CYP7B1: variants seen among roughly 807,000 people sequenced by gnomAD.
The protein encoded by CYP7B1 is cytochrome P450 7B1.
Under a neutral mutation model 42.7 loss-of-function variants are expected in CYP7B1, and 29 were observed. The observed-to-expected ratio is 0.68, with a 90% CI of 0.51 to 0.93. The LOEUF (loss-of-function observed/expected upper bound fraction) is 0.93. CYP7B1 is among the 40% of genes least tolerant of loss of function. The pLI, the probability that CYP7B1 is intolerant of heterozygous loss-of-function variation, is 0.00. For missense variants in CYP7B1, 655 were observed against 600.5 expected (o/e 1.09, Z -0.95); for synonymous variants, 235 against 218.2 (o/e 1.08, Z -0.68).
intron 1 of CYP7B1, among the ~76,000 whole-genome samples, chr8:64,664,485 G>GAGAGAA (rs1363561394): frequency 6.6e-6 from 1 of 152,150 alleles, no homozygotes; most frequent in Non-Finnish European, 1.5e-5. Flanking sequence ...CAGAGAGAGA[G>GAGAGAA]AGAGAAACCA....
At chr8:64,719,039 G>T (rs1454408559) in intron 1 of CYP7B1, among the ~76,000 whole-genome samples, 2 of 151,964 alleles carry the variant, frequency 1.3e-5, no homozygotes, top group African/African-American at 2.4e-5. Context: ...ACACAGTTTT[G>T]GTAAATTTTA....
chr8:64,797,203 C>T (rs1804718138), intron 1 of CYP7B1, among the ~76,000 whole-genome samples: 1 of 152,180 alleles, frequency 6.6e-6, no homozygotes, highest in Non-Finnish European at 1.5e-5. Flanking sequence ...CACATTCTCA[C>T]ACCAATCACC....
intron 1 of CYP7B1, among the ~76,000 whole-genome samples, chr8:64,736,944 C>A (rs920520382): frequency 6.6e-6 from 1 of 152,142 alleles, no homozygotes; most frequent in Non-Finnish European, 1.5e-5. Flanking sequence ...AGAGGCATGT[C>A]TATCTTTTCT....
Position 64,615,916 on chromosome 8 carries a change from T to C in CYP7B1, c.625A>G (p.Ile209Val). The C allele has an allele frequency of 6.2e-7, 1 of 1,613,646 alleles. No individual in the cohort carries two copies. The highest frequency in any genetic ancestry group is 8.5e-7 in the Non-Finnish European group (1 of 1,179,764). Residue 209 changes from isoleucine (I) to valine (V), a missense_variant, in exon 3 of 6, where the codon ATT (isoleucine) becomes GTT (valine). By Grantham distance (29) the Ile-to-Val change is conservative. Transcript: ENST00000310193. ...KVIVCDNNKF[I>V]SELRDDFLKF... Reference sequence around the variant, plus strand: ...AAAAAATCATCTCTTAGCTCACTAATAAATTTGTTGTTGTCACAAACAATA... The same window carrying C: ...AAAAAATCATCTCTTAGCTCACTAACAAATTTGTTGTTGTCACAAACAATA...
At chr8:64,744,507 T>A (rs991326266) in intron 1 of CYP7B1, among the ~76,000 whole-genome samples, 1 of 152,186 alleles carries the variant, frequency 6.6e-6, no homozygotes, top group African/African-American at 2.4e-5. Context: ...GGCTACTAAT[T>A]AAAGTGCAGC....
intron 1 of CYP7B1, among the ~76,000 whole-genome samples, chr8:64,680,155 A>AT (rs999496976): frequency 5.3e-5 from 8 of 151,300 alleles, no homozygotes; most frequent in Non-Finnish European, 1.2e-4. Flanking sequence ...ATCATGTGAT[A>AT]TTTTTTCTTT....
intron 1 of CYP7B1, among the ~76,000 whole-genome samples, chr8:64,715,507 T>C (rs1233057900): frequency 6.6e-6 from 1 of 152,234 alleles, no homozygotes; most frequent in African/African-American, 2.4e-5. Flanking sequence ...TATTCCTCCT[T>C]ATAGATTTTA....
chr8:64,666,777 T>C (rs1806286309), intron 1 of CYP7B1, among the ~76,000 whole-genome samples: 1 of 152,230 alleles, frequency 6.6e-6, no homozygotes, highest in East Asian at 1.9e-4. Flanking sequence ...TGGTTTGCTA[T>C]AGTCGTTACC....
intron 1 of CYP7B1, among the ~76,000 whole-genome samples, chr8:64,714,103 A>G (rs999412898): frequency 6.6e-6 from 1 of 152,110 alleles, no homozygotes; most frequent in African/African-American, 2.4e-5. Flanking sequence ...TGGAGCAAAG[A>G]CTCAAACCTG....
intron 1 of CYP7B1, among the ~76,000 whole-genome samples, chr8:64,739,187 T>G (rs1279267295): frequency 6.6e-6 from 1 of 152,122 alleles, no homozygotes; most frequent in African/African-American, 2.4e-5. Context: ...CTAAGGGAAT[T>G]GAGGGAAGCT....
rs1392813660 is a variant in CYP7B1 at position 64,798,446 on chromosome 8, C to T, written c.122+20G>A. 2.0e-6 allele frequency: 3 copies of T among 1,507,376 alleles called. No individual in the cohort carries two copies. The highest frequency in any genetic ancestry group is 2.9e-5 in the African/African-American group (2 of 69,560). 93.4% of individuals were successfully genotyped at this position (1,507,376 alleles called of 1,614,324 possible). On this transcript the variant is annotated intron_variant, in intron 1 of 5. Coordinates refer to ENST00000310193, the MANE Select transcript of CYP7B1 (RefSeq NM_004820.5). ...GCGGGGCCCAGGGCGCATGCGTGGC[C>T]TGGCGGCCGAGGCGCTTACCTGGTG...
intron 1 of CYP7B1, among the ~76,000 whole-genome samples, chr8:64,668,008 T>C (rs1007803425): frequency 6.6e-6 from 1 of 152,220 alleles, no homozygotes. Flanking sequence ...AACTGCTTAA[T>C]CTTCCAAAGA....
At chr8:64,632,453 A>G (rs1418947798) in intron 1 of CYP7B1, among the ~76,000 whole-genome samples, 1 of 152,094 alleles carries the variant, frequency 6.6e-6, no homozygotes, top group Non-Finnish European at 1.5e-5. Flanking sequence ...CAGCAGGTAT[A>G]AAGTTTCAGT....
Position 64,615,533 on chromosome 8 carries a change from AT to A in CYP7B1, c.850+157del, listed in dbSNP as rs796118469. Among the ~76,000 whole-genome samples, 519 of 148,818 alleles carry A rather than the reference AT, an allele frequency of 3.5e-3. 5 individuals carry two copies. Among genetic ancestry groups the A allele is most frequent in the African/African-American group, 0.012 (464 of 38,580 alleles). On this transcript the variant is annotated intron_variant, in intron 3 of 5. Transcript: ENST00000310193. The stretch of plus-strand genomic sequence containing the variant: ...TACCACCTCAGCAAAAAAAAAAAAA[AT>A]ATCAATTATAGAGGGTTATATCAGA...
chr8:64,606,026 C>T (rs1805274032), intron 4 of CYP7B1, among the ~76,000 whole-genome samples: 1 of 152,198 alleles, frequency 6.6e-6, no homozygotes, highest in Non-Finnish European at 1.5e-5. Context: ...CTGCATAAGG[C>T]TATCAAGTAG....
At chr8:64,748,811 A>G (rs1405267934) in intron 1 of CYP7B1, among the ~76,000 whole-genome samples, 1 of 152,108 alleles carries the variant, frequency 6.6e-6, no homozygotes, top group Non-Finnish European at 1.5e-5. Flanking sequence ...TCCTTCATTC[A>G]CTCAACAAAT....
intron 1 of CYP7B1, among the ~76,000 whole-genome samples, chr8:64,645,240 T>C (rs1457154027): frequency 6.6e-6 from 1 of 151,640 alleles, no homozygotes; most frequent in Admixed American, 6.6e-5. Flanking sequence ...TGTGTCTTTA[T>C]AGCAGCATGA....
At chr8:64,740,853 C>T (rs1280035260) in intron 1 of CYP7B1, among the ~76,000 whole-genome samples, 1 of 152,056 alleles carries the variant, frequency 6.6e-6, no homozygotes, top group Non-Finnish European at 1.5e-5. Flanking sequence ...AAATCCAGTT[C>T]CTAACTAATA....
At chr8:64,731,345 T>C (rs1342993548) in intron 1 of CYP7B1, among the ~76,000 whole-genome samples, 1 of 152,124 alleles carries the variant, frequency 6.6e-6, no homozygotes, top group African/African-American at 2.4e-5. Context: ...AGGTCTCAGA[T>C]GGAGAAACTT....
Sources: allele counts gnomAD v4.1 joint callset (sites outside exome capture counted in the v4.1 genomes callset), GRCh38; gene constraint gnomAD v4.1.1; transcripts MANE v1.5; gene names NCBI Gene and HGNC (gene_info 2026-07-23, HGNC 2026-07-21).